NTN1: variants seen among roughly 807,000 people sequenced by gnomAD.
NTN1 encodes netrin 1.
In NTN1, 11 loss-of-function variants were observed where a neutral mutation model predicts 54.2. The observed-to-expected ratio is 0.20, with a 90% CI of 0.13 to 0.34. The LOEUF is 0.34. Among genes scored for constraint, NTN1 ranks in the 10% least tolerant of loss-of-function variants. NTN1 has a pLI of 1.00. For synonymous variants in NTN1, 371 were observed against 382.0 expected (o/e 0.97, Z 0.33); for missense variants, 740 against 893.1 (o/e 0.83, Z 2.18).
chr17:9,046,786 C>CA (rs200023605), intron 2 of NTN1, among the ~76,000 whole-genome samples: 1 of 151,526 alleles, frequency 6.6e-6, no homozygotes, highest in African/African-American at 2.4e-5. Context: ...ACCCTGTCTC[C>CA]AAAAAAATAA....
chr17:9,193,944 A>AAAAAAAAAAAAAAAAAAC (rs58978033), intron 5 of NTN1, among the ~76,000 whole-genome samples: 1 of 128,994 alleles, frequency 7.8e-6, no homozygotes, highest in African/African-American at 2.7e-5. Context: ...AAAAAAAAAA[A>AAAAAAAAAAAAAAAAAAC]CATTATGCAG....
At chr17:9,026,916 A>G (rs963749315) in intron 2 of NTN1, among the ~76,000 whole-genome samples, 1 of 91,848 alleles carries the variant, frequency 1.1e-5, no homozygotes, top group African/African-American at 2.8e-5. Context: ...CAAAACCCAC[A>G]CAAAAGGTGT....
chr17:9,109,032 A>AC (rs534499139), intron 2 of NTN1, among the ~76,000 whole-genome samples: 2 of 151,358 alleles, frequency 1.3e-5, no homozygotes, highest in Non-Finnish European at 2.9e-5. Flanking sequence ...GTGCACCACC[A>AC]CCCCCGGCTA....
At chr17:9,134,898 G>A (rs1306818871) in intron 2 of NTN1, among the ~76,000 whole-genome samples, 2 of 152,072 alleles carry the variant, frequency 1.3e-5, no homozygotes, top group Admixed American at 6.5e-5. Flanking sequence ...TTTGGTTCTG[G>A]GTCCTGAGAA....
rs988934923 is a variant in NTN1 at position 9,170,161 on chromosome 17, G to A, written c.1207+7160G>A. Among the ~76,000 whole-genome samples the A allele has an allele frequency of 2.6e-5, 4 of 152,124 alleles. No individual in the cohort carries two copies. The East Asian group carries it at 7.7e-4, about 29-fold the overall frequency. ...CACAGTTCAGGCTCCACCTCTGGAG[G>A]CAAGACATTTACTCTCAGTAGCCTC... is the stretch of plus-strand genomic sequence containing the variant. On this transcript the variant is annotated intron_variant, in intron 3 of 6. Transcript: ENST00000173229.
chr17:9,197,035 A>AT (rs111242916), intron 5 of NTN1, among the ~76,000 whole-genome samples: 79 of 146,468 alleles, frequency 5.4e-4, no homozygotes, highest in Non-Finnish European at 7.6e-4. Flanking sequence ...AAATCAAAGC[A>AT]TTTTTTTTTT....
At chr17:9,186,656 G>A (rs897747315) in intron 5 of NTN1, among the ~76,000 whole-genome samples, 11 of 152,224 alleles carry the variant, frequency 7.2e-5, no homozygotes, top group African/African-American at 1.9e-4. Context: ...CACAGAGCCC[G>A]GCAGCTGAAC....
intron 2 of NTN1, among the ~76,000 whole-genome samples, chr17:9,048,452 A>G (rs2091948143): frequency 6.6e-6 from 1 of 152,072 alleles, no homozygotes; most frequent in Admixed American, 6.6e-5. Flanking sequence ...GGTTTTAGCC[A>G]AATTTTTAAG....
chr17:9,048,506 T>G (rs780592305), intron 2 of NTN1, among the ~76,000 whole-genome samples: 2 of 152,142 alleles, frequency 1.3e-5, no homozygotes, highest in Non-Finnish European at 2.9e-5. Context: ...TGGCTTTAAC[T>G]TAAACTCACC....
At chr17:9,079,226 C>T (rs559133575) in intron 2 of NTN1, among the ~76,000 whole-genome samples, 2 of 152,192 alleles carry the variant, frequency 1.3e-5, no homozygotes, top group South Asian at 2.1e-4. Context: ...GAACCCTGCT[C>T]CAGGGTGGTG....
intron 6 of NTN1, among the ~76,000 whole-genome samples, chr17:9,224,407 G>T (rs542082934): frequency 6.6e-6 from 1 of 152,298 alleles, no homozygotes; most frequent in South Asian, 2.1e-4. Flanking sequence ...AGAGCCTCAG[G>T]GTGCCATCGG....
chr17:9,047,323 T>G (rs1183407240), intron 2 of NTN1, among the ~76,000 whole-genome samples: 1 of 152,244 alleles, frequency 6.6e-6, no homozygotes, highest in East Asian at 1.9e-4. Context: ...TTTTCCTAAT[T>G]GGAGTCGATC....
chr17:9,203,950 T>C (rs543580284), intron 5 of NTN1, among the ~76,000 whole-genome samples: 17 of 152,320 alleles, frequency 1.1e-4, no homozygotes, highest in African/African-American at 3.8e-4. Context: ...AGGGGCTCCT[T>C]CTTCAAAAGT....
the NTN1 span, among the ~76,000 whole-genome samples, chr17:9,011,216 T>C: frequency 7.2e-5 from 11 of 152,192 alleles, no homozygotes; most frequent in African/African-American, 2.7e-4. Flanking sequence ...AAGCTGCTCA[T>C]GTCCTGCTGT....
chr17:9,145,014 C>A (rs112180148), intron 2 of NTN1, among the ~76,000 whole-genome samples: 2 of 152,182 alleles, frequency 1.3e-5, no homozygotes, highest in Non-Finnish European at 2.9e-5. Flanking sequence ...GGTGGAGCGG[C>A]GGGGGCCAGT....
chr17:9,239,881 C>T lies in NTN1; in HGVS notation c.1728C>T (p.Ser576=), dbSNP rs916606937. The change falls in exon 7 of 7, where the codon AGC becomes AGT. Residue 576 remains serine, a synonymous_variant. Coordinates refer to ENST00000173229, the MANE Select transcript of NTN1 (RefSeq NM_004822.3). This position sits in a 1 kb window ranked among gnomAD's most constrained non-coding sequence, Gnocchi z 5.2. ...DQSGIVADKS[S]LVIQWRDTWA... is the part of the protein sequence containing the mutation. ...GCGGCATCGTGGCCGATAAAAGCAG[C>T]CTGGTGATCCAGTGGCGGGACACGT... 2 of 1,606,994 alleles carry T rather than the reference C, an allele frequency of 1.2e-6. No homozygotes were observed. Among genetic ancestry groups the T allele is most frequent in the Admixed American group, 1.7e-5 (1 of 59,516 alleles).
Position 9,211,676 on chromosome 17 carries a change from G to A in NTN1, c.1412-9492G>A, listed in dbSNP as rs1372507674. Among the ~76,000 whole-genome samples, 1 of 152,176 alleles carries A rather than the reference G, an allele frequency of 6.6e-6. No homozygotes were observed. On this transcript the variant is annotated intron_variant, in intron 5 of 6. Coordinates refer to ENST00000173229, the MANE Select transcript of NTN1 (RefSeq NM_004822.3). The surrounding 1 kb of genome is among the most constrained non-coding windows in gnomAD (Gnocchi z 4.4). ...CTCGGGAAAGTTCATATTTTAATCTGTGCCCCAGCCATATCGTGTGAGTGT... is the reference window on the plus strand; with the variant it reads ...CTCGGGAAAGTTCATATTTTAATCTATGCCCCAGCCATATCGTGTGAGTGT...
chr17:9,171,076 G>C (rs143692965), intron 3 of NTN1: 1 of 152,212 alleles, frequency 6.6e-6, no homozygotes, highest in Non-Finnish European at 1.5e-5. Flanking sequence ...GATAGGTTGT[G>C]CAACTTGAAA....
chr17:9,171,994 T>C (rs1167769998), intron 3 of NTN1, among the ~76,000 whole-genome samples: 2 of 150,470 alleles, frequency 1.3e-5, no homozygotes, highest in Admixed American at 1.3e-4. Flanking sequence ...GTTCAAGTGA[T>C]TCTCCTGCCT....
Sources: gnomAD v4.1 joint callset for allele counts (sites outside exome capture counted in the v4.1 genomes callset) on GRCh38, gnomAD v4.1.1 for gene constraint, Gnocchi (gnomAD v3.1) non-coding constraint, MANE v1.5 for transcripts, NCBI Gene and HGNC (gene_info 2026-07-23, HGNC 2026-07-21) for gene names.